TP63: variants seen among roughly 807,000 people sequenced by gnomAD.
TP63 encodes the protein tumor protein p63.
In TP63, 17 loss-of-function variants were observed where a neutral mutation model predicts 82.8. That is an observed-to-expected ratio of 0.21 (90% CI 0.14 to 0.31). The LOEUF (loss-of-function observed/expected upper bound fraction) is 0.31, where lower values mean the gene tolerates loss of function less well. Ranked by LOEUF, TP63 falls within the 10% of genes least tolerant of loss-of-function variation. The probability of loss-of-function intolerance (pLI) is 1.00; values close to 1 mark genes in which losing one functional copy is unlikely to be tolerated. For missense variants in TP63, 648 were observed against 895.3 expected (o/e 0.72, Z 3.52); for synonymous variants, 330 against 321.7 (o/e 1.03, Z -0.28).
At chr3:189,609,752 G>A in the TP63 span, among the ~76,000 whole-genome samples, 1 of 152,110 alleles carries the variant, frequency 6.6e-6, no homozygotes, top group Non-Finnish European at 1.5e-5. Context: ...TGGTGTATAT[G>A]TACCACATTT....
At chr3:189,718,668 A>G (rs1719144304) in intron 1 of TP63, among the ~76,000 whole-genome samples, 1 of 151,936 alleles carries the variant, frequency 6.6e-6, no homozygotes, top group African/African-American at 2.4e-5. Context: ...CCTTTATCAC[A>G]TCATTTAGAA....
chr3:189,749,929 C>A (rs1721676199), intron 3 of TP63, among the ~76,000 whole-genome samples: 1 of 152,036 alleles, frequency 6.6e-6, no homozygotes, highest in Non-Finnish European at 1.5e-5. Context: ...CCAGACCATC[C>A]TGGCTAACAA....
At chr3:189,814,500 T>G (rs1329532790) in intron 4 of TP63, among the ~76,000 whole-genome samples, 4 of 152,214 alleles carry the variant, frequency 2.6e-5, no homozygotes, top group Non-Finnish European at 5.9e-5. Context: ...GCCATAGCTG[T>G]TTCATAAATT....
chr3:189,630,893 T>C (rs796383150), upstream of TP63, among the ~76,000 whole-genome samples: 28 of 151,072 alleles, frequency 1.9e-4, no homozygotes, highest in African/African-American at 6.8e-4. Flanking sequence ...GGCGGTTGGC[T>C]GAAAGGGAAA....
At chr3:189,646,109 C>T (rs1362802425) in intron 1 of TP63, among the ~76,000 whole-genome samples, 1 of 147,182 alleles carries the variant, frequency 6.8e-6, no homozygotes, top group Non-Finnish European at 1.5e-5. Flanking sequence ...CCCAAGAGTA[C>T]AACTGTAGCA....
In TP63 at chr3:189,866,729, C is replaced by T; in HGVS notation, c.814C>T (p.His272Tyr). ...TTTGATTCGAGTAGAGGGGAACAGC[C>T]ATGCCCAGTATGTAGAAGATCCCAT... The part of the protein sequence containing the change: ...SHLIRVEGNS[H>Y]AQYVEDPITG... Residue 272 changes from histidine (H) to tyrosine (Y), a missense_variant, in exon 6 of 14, where the codon CAT becomes TAT. His to Tyr is a moderately conservative substitution (Grantham distance 83). Coordinates refer to ENST00000264731, the MANE Select transcript of TP63 (RefSeq NM_003722.5). 6.2e-7 allele frequency: 1 copy of T among 1,614,028 alleles called. No individual in the cohort carries two copies. The highest frequency in any genetic ancestry group is 8.5e-7 in the Non-Finnish European group (1 of 1,179,992).
In TP63 at chr3:189,896,767, A is replaced by T. The variant is rs1721504590; in HGVS notation, c.*2265A>T. The stretch of plus-strand genomic sequence containing the variant: ...CAAAGCGAGGCACCCTTACTGGCTT[A>T]CCTCCTCATGGCAGCCTACTCTCCT... On this transcript the variant is annotated 3_prime_UTR_variant, in exon 14 of 14. Transcript: ENST00000264731. The T allele has an allele frequency of 4.9e-6, 1 of 205,520 alleles. No individual in the cohort carries two copies. The highest frequency in any genetic ancestry group is 2.3e-5 in the African/African-American group (1 of 43,764). 12.7% of individuals were successfully genotyped at this position (205,520 alleles called of 1,614,324 possible). A position where few individuals can be genotyped will look rare whatever the true frequency, so the allele number is the denominator to read the frequency against.
At chr3:189,656,352 T>C (rs1713360678) in intron 1 of TP63, among the ~76,000 whole-genome samples, 1 of 152,142 alleles carries the variant, frequency 6.6e-6, no homozygotes. Context: ...GAATGTTTAA[T>C]TGCAATTTTT....
chr3:189,799,316 G>A (rs898913183), intron 3 of TP63, among the ~76,000 whole-genome samples: 1 of 151,864 alleles, frequency 6.6e-6, no homozygotes, highest in Admixed American at 6.6e-5. Flanking sequence ...AGGCAGGGAG[G>A]GACCAATTTT....
chr3:189,732,811 G>T (rs1720272130), intron 1 of TP63, among the ~76,000 whole-genome samples: 1 of 152,190 alleles, frequency 6.6e-6, no homozygotes, highest in Non-Finnish European at 1.5e-5. Flanking sequence ...CTGAGAGAGA[G>T]ATGTTTCACC....
At chr3:189,889,616 T>A (rs1185692503) in intron 12 of TP63, 132 bp downstream of exon 12, 23 of 1,247,264 alleles carry the variant, frequency 1.8e-5, no homozygotes, top group Non-Finnish European at 2.4e-5. Flanking sequence ...CAGTCACTAT[T>A]ATCTCTGATC....
At chr3:189,705,942 T>C (rs7615946) in intron 1 of TP63, among the ~76,000 whole-genome samples, 46,464 of 152,024 alleles carry the variant, frequency 0.31, 7,394 homozygotes, top group East Asian at 0.58. Flanking sequence ...GGGATATCCA[T>C]AAAGAAGCCT....
chr3:189,631,889 T>A (rs1421090026), intron 1 of TP63, among the ~76,000 whole-genome samples: 1 of 152,116 alleles, frequency 6.6e-6, no homozygotes, highest in Non-Finnish European at 1.5e-5. Context: ...AATAAGAAAT[T>A]TCACTGGGCA....
At chr3:189,771,253 AT>A (rs1337866406) in intron 3 of TP63, among the ~76,000 whole-genome samples, 3 of 141,458 alleles carry the variant, frequency 2.1e-5, no homozygotes, top group Non-Finnish European at 3.0e-5. Context: ...TGCAGGTGAC[AT>A]TTTTGATAAA....
At chr3:189,682,536 GA>G (rs375284237) in intron 1 of TP63, among the ~76,000 whole-genome samples, 96 of 19,102 alleles carry the variant, frequency 5.0e-3, no homozygotes, top group Non-Finnish European at 0.011. Flanking sequence ...GTCCTAAGGG[GA>G]AAAAAAAAAA....
intron 1 of TP63, among the ~76,000 whole-genome samples, chr3:189,670,463 T>C (rs1404210755): frequency 2.0e-5 from 3 of 152,044 alleles, no homozygotes; most frequent in African/African-American, 7.2e-5. Context: ...GTTCTTGGAG[T>C]CTAATGTTAT....
the TP63 span, among the ~76,000 whole-genome samples, chr3:189,609,274 C>CT: frequency 6.1e-4 from 93 of 152,194 alleles, no homozygotes; most frequent in Non-Finnish European, 1.2e-3. Flanking sequence ...AATGCTTTCC[C>CT]TTTTTCTCCT....
chr3:189,885,922 T>G (rs2108853175), intron 10 of TP63, among the ~76,000 whole-genome samples: 1 of 152,356 alleles, frequency 6.6e-6, no homozygotes, highest in East Asian at 1.9e-4. Context: ...TGTAGTCATT[T>G]TCTGCATATC....
At chr3:189,860,642 C>G (rs1403188654) in intron 4 of TP63, among the ~76,000 whole-genome samples, 1 of 152,160 alleles carries the variant, frequency 6.6e-6, no homozygotes, top group Non-Finnish European at 1.5e-5. Context: ...TGCATCTTGG[C>G]TGTGGTCAGA....
Sources: gnomAD v4.1 joint callset for allele counts (sites outside exome capture counted in the v4.1 genomes callset) on GRCh38, gnomAD v4.1.1 for gene constraint, MANE v1.5 for transcripts, NCBI Gene and HGNC (gene_info 2026-07-23, HGNC 2026-07-21) for gene names.